The following ODAD3 variants were observed in gnomAD, a reference collection of about 807,000 sequenced individuals.
ODAD3 encodes the protein outer dynein arm-docking complex subunit 3.
A neutral mutation model predicts 70.9 loss-of-function variants in ODAD3; 57 were observed. The ratio of observed to expected loss-of-function variants is 0.80; its 90% confidence interval spans 0.65 to 1.00. The LOEUF is 1.00. Ranked by LOEUF, ODAD3 falls within the 50% of genes least tolerant of loss-of-function variation. The pLI is 0.00. For missense variants in ODAD3, 797 were observed against 763.9 expected (o/e 1.04, Z -0.51); for synonymous variants, 327 against 315.9 (o/e 1.04, Z -0.37).
At chr19:11,427,837 C>A (rs1251623888) in intron 3 of ODAD3, among the ~76,000 whole-genome samples, 4 of 151,486 alleles carry the variant, frequency 2.6e-5, no homozygotes, top group Non-Finnish European at 5.9e-5. Context: ...GCGGTGGCTC[C>A]CGCCTGTAAT....
At chr19:11,430,641 A>C in intron 3 of ODAD3, 58 bp downstream of exon 3, 1 of 1,525,598 alleles carries the variant, frequency 6.6e-7, no homozygotes, top group South Asian at 1.1e-5. Flanking sequence ...CCTGGAGTCC[A>C]GTGGTGAGGG....
chr19:11,425,459 G>GTATATACACATATGTGTA (rs1265353396), intron 7 of ODAD3, among the ~76,000 whole-genome samples: 5 of 138,022 alleles, frequency 3.6e-5, no homozygotes, highest in Admixed American at 2.2e-4. Flanking sequence ...ACATATATGT[G>GTATATACACATATGTGTA]TGTGTATATA....
chr19:11,424,321 C>T (rs1266611523), intron 7 of ODAD3, among the ~76,000 whole-genome samples: 6 of 151,566 alleles, frequency 4.0e-5, no homozygotes, highest in Non-Finnish European at 8.8e-5. Context: ...TTGGACAACA[C>T]GGCGAGACCC....
intron 3 of ODAD3, among the ~76,000 whole-genome samples, chr19:11,428,732 T>C (rs2144776606): frequency 6.6e-6 from 1 of 151,966 alleles, no homozygotes; most frequent in South Asian, 2.1e-4. Flanking sequence ...GTATTTGTTG[T>C]AGAGTCAAAG....
In ODAD3 at chr19:11,426,520, C is replaced by T. The variant is rs1298588458; in HGVS notation, c.766G>A (p.Val256Met). The change falls in exon 6 of 13, where the codon GTG (valine) becomes ATG (methionine). Residue 256 changes from valine to methionine, a missense_variant. Val to Met is a conservative substitution (Grantham distance 21, BLOSUM62 1). Coordinates refer to ENST00000356392, the MANE Select transcript of ODAD3 (RefSeq NM_145045.5). The part of the protein sequence containing the change: ...NRLDSMEAEV[V>M]RTKHELEALH... Reference sequence around the variant, plus strand: ...GCCTCCAGCTCATGTTTGGTCCTCACCACCTCAGCCTCCATGGAGTCCAGC... The same window carrying T: ...GCCTCCAGCTCATGTTTGGTCCTCATCACCTCAGCCTCCATGGAGTCCAGC... 5.6e-6 allele frequency: 9 copies of T among 1,614,058 alleles called. No homozygotes were observed. In the East Asian group the frequency reaches 1.3e-4, roughly 24 times the overall value.
chr19:11,425,097 A>C (rs975741083), intron 7 of ODAD3, among the ~76,000 whole-genome samples: 1 of 132,312 alleles, frequency 7.6e-6, no homozygotes, highest in Non-Finnish European at 1.5e-5. Flanking sequence ...ACATATGTGT[A>C]TATATGTATA....
Position 11,421,844 on chromosome 19 carries a change from G to A in ODAD3, c.1435-12C>T. The stretch of plus-strand genomic sequence containing the variant: ...AAGCGGCCGTCCTCCTGCGGCCAGG[G>A]TAGAGCCGGGTCAGCCGAGAGGGGT... On this transcript the variant is annotated splice_polypyrimidine_tract_variant and intron_variant, in intron 10 of 12. Coordinates refer to ENST00000356392, the MANE Select transcript of ODAD3 (RefSeq NM_145045.5). 2 of 1,609,268 alleles carry A rather than the reference G, an allele frequency of 1.2e-6. No homozygotes were observed. The highest frequency in any genetic ancestry group is 8.5e-7 in the Non-Finnish European group (1 of 1,177,866).
upstream of ODAD3, chr19:11,435,651 C>T (rs1318931959): frequency 6.2e-6 from 8 of 1,282,068 alleles, no homozygotes; most frequent in Admixed American, 4.6e-5. Flanking sequence ...GCAGCAGGAA[C>T]CGCGGCTGCT....
At chr19:11,421,015 C>T (rs1969118985) in intron 12 of ODAD3, 68 bp from the exon 13 acceptor site, 1 of 1,582,180 alleles carries the variant, frequency 6.3e-7, no homozygotes, top group East Asian at 2.2e-5. Context: ...GCTCCCCTTC[C>T]CTTTACCACC....
intron 3 of ODAD3, among the ~76,000 whole-genome samples, chr19:11,429,242 G>A (rs993682825): frequency 1.3e-5 from 2 of 151,016 alleles, no homozygotes; most frequent in Non-Finnish European, 1.5e-5. Flanking sequence ...ACAGAGTCTC[G>A]CTCTGTCACC....
At chr19:11,425,098 T>C (rs922997380) in intron 7 of ODAD3, among the ~76,000 whole-genome samples, 8 of 133,064 alleles carry the variant, frequency 6.0e-5, no homozygotes, top group Admixed American at 2.1e-4. Flanking sequence ...CATATGTGTA[T>C]ATATGTATAT....
At chr19:11,425,192 CATATGTGTATGTGTACATATGTGTAT>C (rs1969285068) in intron 7 of ODAD3, among the ~76,000 whole-genome samples, 1 of 102,670 alleles carries the variant, frequency 9.7e-6, no homozygotes, top group Non-Finnish European at 1.8e-5. Context: ...TGTATATATA[CATATGTGTATGTGTACATATGTGTAT>C]ATATGTGTGT....
At position 11,426,671 on chromosome 19, in the gene ODAD3, C is replaced by T. The variant is rs573105294; in HGVS notation, c.714+12G>A. On this transcript the variant is annotated intron_variant, in intron 5 of 12. Coordinates refer to ENST00000356392, the MANE Select transcript of ODAD3 (RefSeq NM_145045.5). ...CTGTTTGTCATCTCACCCGAGCCCT[C>T]CTAGTCCCTACCATTAGATAGGCCT... The T allele has an allele frequency of 1.2e-6, 2 of 1,613,722 alleles. No individual in the cohort carries two copies. Among genetic ancestry groups the T allele is most frequent in the African/African-American group, 1.3e-5 (1 of 74,890 alleles).
At chr19:11,424,990 C>CATATGTGTATATATGTGTATATGTAT (rs1969253231) in intron 7 of ODAD3, among the ~76,000 whole-genome samples, 1 of 98,080 alleles carries the variant, frequency 1.0e-5, no homozygotes, top group South Asian at 3.1e-4. Flanking sequence ...TGTATATGTA[C>CATATGTGTATATATGTGTATATGTAT]ATATGTGTAT....
rs900913707 is a variant in ODAD3 at position 11,420,694 on chromosome 19, C to G, written c.*141G>C. On this transcript the variant is annotated 3_prime_UTR_variant, in exon 13 of 13. Coordinates refer to ENST00000356392, the MANE Select transcript of ODAD3 (RefSeq NM_145045.5). ...GTGGGAACGTCTGGCCCGGCCCCTT[C>G]CTCCCCTCCGGGCGCCGCTGGCCGC... The G allele has an allele frequency of 3.3e-5, 22 of 662,222 alleles. No homozygotes were observed. The highest frequency in any genetic ancestry group is 3.7e-5 in the Non-Finnish European group (14 of 380,184). 41.0% of individuals were successfully genotyped at this position (662,222 alleles called of 1,614,324 possible).
chr19:11,430,231 G>A (rs939113555), intron 3 of ODAD3, among the ~76,000 whole-genome samples: 17 of 151,582 alleles, frequency 1.1e-4, no homozygotes, highest in Non-Finnish European at 1.8e-4. Context: ...TCTGCCTCCC[G>A]GGTTCAAGCG....
Position 11,422,243 on chromosome 19 carries a change from G to A in ODAD3, c.1434+228C>T, listed in dbSNP as rs1969154836. On this transcript the variant is annotated intron_variant, in intron 10 of 12. Coordinates refer to ENST00000356392, the MANE Select transcript of ODAD3 (RefSeq NM_145045.5). This position sits in a 1 kb window ranked among gnomAD's most constrained non-coding sequence, Gnocchi z 4.6. ...GAGCTTGAGACGGGACAGGGTCTCT[G>A]ACGTCTTGGGCTTCCTTGGGGAGTG... Among the ~76,000 whole-genome samples the A allele has an allele frequency of 6.6e-6, 1 of 152,046 alleles. No homozygotes were observed. Among genetic ancestry groups the A allele is most frequent in the Non-Finnish European group, 1.5e-5 (1 of 67,990 alleles).
chr19:11,422,582 C>T lies in ODAD3; in HGVS notation c.1323G>A (p.Glu441=). The T allele has an allele frequency of 6.3e-7, 1 of 1,594,432 alleles. No individual in the cohort carries two copies. Among genetic ancestry groups the T allele is most frequent in the Non-Finnish European group, 8.5e-7 (1 of 1,172,860 alleles). Residue 441 remains glutamate, a synonymous_variant, in exon 10 of 13, where the codon GAG becomes GAA. Coordinates refer to ENST00000356392, the MANE Select transcript of ODAD3 (RefSeq NM_145045.5). The surrounding 1 kb of genome is among the most constrained non-coding windows in gnomAD (Gnocchi z 4.6). The stretch of plus-strand genomic sequence containing the variant: ...CCTTGGCCTCGGCGTGCCGCCGCTC[C>T]TCCTTCTTGAGACGCTCCTGCGCCT... ...QAEAQERLKK[E]ERRHAEAKDQ...
At position 11,425,665 on chromosome 19, in the gene ODAD3, A is replaced by ATATACATATG. The variant is rs1969351764; in HGVS notation, c.963+478_963+479insCATATGTATA. Among the ~76,000 whole-genome samples the ATATACATATG allele has an allele frequency of 2.1e-4, 28 of 134,030 alleles. 2 individuals carry two copies. The highest frequency in any genetic ancestry group is 9.5e-4 in the African/African-American group (27 of 28,276). The allele number at this position is 134,030 out of a possible 152,430, so 87.9% of individuals were successfully genotyped here. On this transcript the variant is annotated intron_variant, in intron 7 of 12. Coordinates refer to ENST00000356392, the MANE Select transcript of ODAD3 (RefSeq NM_145045.5). ...TATGTATATACGTATATATATATAT[A>ATATACATATG]TATATGCAAAAAAAACCTATCAAAC...
Sources: gnomAD v4.1 joint callset for allele counts (sites outside exome capture counted in the v4.1 genomes callset) on GRCh38, gnomAD v4.1.1 for gene constraint, Gnocchi (gnomAD v3.1) non-coding constraint, MANE v1.5 for transcripts, NCBI Gene and HGNC (gene_info 2026-07-23, HGNC 2026-07-21) for gene names.